Variants in CCL18 observed in about 807,000 individuals in gnomAD.
CCL18 encodes the protein C-C motif chemokine ligand 18.
A neutral mutation model predicts 8.0 loss-of-function variants in CCL18; 7 were observed. That is an observed-to-expected ratio of 0.87 (90% CI 0.50 to 1.64). CCL18 has a LOEUF of 1.64. CCL18 is among the 40% of genes most tolerant of loss of function. The pLI is 0.00. For synonymous variants in CCL18, 35 were observed against 41.3 expected (o/e 0.85, Z 0.59); for missense variants, 95 against 107.8 (o/e 0.88, Z 0.52).
rs60413314 is a variant in CCL18, at chr17:36,065,659, C to A, written c.67+1250C>A. Among the ~76,000 whole-genome samples the A allele has an allele frequency of 6.0e-3, 921 of 152,266 alleles. 8 individuals carry two copies. The highest frequency in any genetic ancestry group is 0.021 in the African/African-American group (855 of 41,536). ...ACCAGCATCCAGAACCTGAGAAAAA[C>A]CAAGTAAATTTCTTCCACTCTTGAA... On this transcript the variant is annotated intron_variant, in intron 1 of 2. Transcript: ENST00000616054.
chr17:36,066,838 C>T (rs540879548), intron 1 of CCL18, among the ~76,000 whole-genome samples: 23 of 152,276 alleles, frequency 1.5e-4, no homozygotes, highest in African/African-American at 4.6e-4. Flanking sequence ...TGAAAAGGAC[C>T]ATTACATCGT....
At position 36,071,318 on chromosome 17, in the gene CCL18, G is replaced by C. The variant is rs2066865534; in HGVS notation, c.*277G>C. 1 of 427,428 alleles carries C rather than the reference G, an allele frequency of 2.3e-6. No individual in the cohort carries two copies. The highest frequency in any genetic ancestry group is 2.0e-5 in the African/African-American group (1 of 49,496). 26.5% of individuals were successfully genotyped at this position (427,428 alleles called of 1,614,324 possible). A position where few individuals can be genotyped will look rare whatever the true frequency, so the allele number is the denominator to read the frequency against. Reference sequence around the variant, plus strand: ...CTTTCCCCTTTCCCTTCAACTCTTCGTACATTCAATGCATGGATCAATCAG... The same window carrying C: ...CTTTCCCCTTTCCCTTCAACTCTTCCTACATTCAATGCATGGATCAATCAG... On this transcript the variant is annotated 3_prime_UTR_variant, in exon 3 of 3. Transcript: ENST00000616054.
chr17:36,064,978 G>C (rs941912538), intron 1 of CCL18, among the ~76,000 whole-genome samples: 2 of 152,160 alleles, frequency 1.3e-5, no homozygotes, highest in African/African-American at 4.8e-5. Context: ...TCAACTCTGA[G>C]CTATGCTGTC....
At position 36,070,963 on chromosome 17, in the gene CCL18, G is replaced by A; in HGVS notation, c.192G>A (p.Lys64=). Residue 64 remains lysine, a synonymous_variant, in exon 3 of 3, where the codon AAG becomes AAA. Transcript: ENST00000616054. ...CPKPGVILLT[K]RGRQICADPN... is the part of the protein sequence containing the mutation. ...CCCTTCTCCACAGCCTCCTAACCAA[G>A]AGAGGCCGGCAGATCTGTGCTGACC... 6.2e-7 allele frequency: 1 copy of A among 1,613,374 alleles called. No individual in the cohort carries two copies. The highest frequency in any genetic ancestry group is 8.5e-7 in the Non-Finnish European group (1 of 1,179,276).
At chr17:36,066,390 C>T (rs2066837210) in intron 1 of CCL18, among the ~76,000 whole-genome samples, 1 of 152,080 alleles carries the variant, frequency 6.6e-6, no homozygotes, top group South Asian at 2.1e-4. Context: ...TAGGCAATGC[C>T]AAAACAGGAC....
chr17:36,065,924 C>T (rs989556490), intron 1 of CCL18, among the ~76,000 whole-genome samples: 1 of 152,158 alleles, frequency 6.6e-6, no homozygotes, highest in African/African-American at 2.4e-5. Flanking sequence ...CTTTTCCCAG[C>T]AAGAGACCAT....
At chr17:36,066,508 G>A (rs1277772409) in intron 1 of CCL18, among the ~76,000 whole-genome samples, 1 of 152,244 alleles carries the variant, frequency 6.6e-6, no homozygotes, top group African/African-American at 2.4e-5. Flanking sequence ...GACCAGAGGG[G>A]AAGATGTTAA....
intron 1 of CCL18, among the ~76,000 whole-genome samples, chr17:36,067,375 G>A (rs937746431): frequency 2.0e-5 from 3 of 152,126 alleles, no homozygotes; most frequent in Admixed American, 2.0e-4. Context: ...GCATACAGAT[G>A]TTTGGCACAA....
At chr17:36,070,288 GA>G in intron 1 of CCL18, 158 bp from the exon 2 acceptor site, 2 of 531,558 alleles carry the variant, frequency 3.8e-6, no homozygotes, top group Non-Finnish European at 3.4e-6. Flanking sequence ...TCAGGGAAAA[GA>G]AGAAATGCCA....
intron 1 of CCL18, among the ~76,000 whole-genome samples, chr17:36,066,566 C>A (rs962599220): frequency 6.6e-6 from 1 of 152,200 alleles, no homozygotes; most frequent in Non-Finnish European, 1.5e-5. Context: ...TACCTTGGGT[C>A]CCCCAGGGGT....
chr17:36,068,279 A>G (rs1379379830), intron 1 of CCL18, among the ~76,000 whole-genome samples: 1 of 152,198 alleles, frequency 6.6e-6, no homozygotes, highest in Non-Finnish European at 1.5e-5. Flanking sequence ...CAGTACTATC[A>G]TAAGCCTAGA....
intron 1 of CCL18, among the ~76,000 whole-genome samples, chr17:36,066,873 T>G (rs187299888): frequency 4.6e-5 from 7 of 152,320 alleles, no homozygotes; most frequent in Admixed American, 3.9e-4. Context: ...TTCTAAGAAA[T>G]GCTTAACTCA....
At position 36,072,006 on chromosome 17, in the gene CCL18, G is replaced by A. The variant is rs148522280; in HGVS notation, c.*965G>A. Reference sequence around the variant, plus strand: ...GCTTGGGGCTGGGTGGCCAGAGTTAGCAAATAAAAATACAGAATGGATACT... The same window carrying A: ...GCTTGGGGCTGGGTGGCCAGAGTTAACAAATAAAAATACAGAATGGATACT... On this transcript the variant is annotated 3_prime_UTR_variant, in exon 3 of 3. Coordinates refer to ENST00000616054, the MANE Select transcript of CCL18 (RefSeq NM_002988.4). The A allele has an allele frequency of 6.6e-6, 1 of 152,186 alleles. No homozygotes were observed. Among genetic ancestry groups the A allele is most frequent in the East Asian group, 1.9e-4 (1 of 5,180 alleles). The allele number at this position is 152,186 out of a possible 1,614,324, so 9.4% of individuals were successfully genotyped here. A position where few individuals can be genotyped will look rare whatever the true frequency, so the allele number is the denominator to read the frequency against.
At chr17:36,067,937 AT>A (rs959872784) in intron 1 of CCL18, among the ~76,000 whole-genome samples, 2 of 152,202 alleles carry the variant, frequency 1.3e-5, no homozygotes, top group Non-Finnish European at 2.9e-5. Flanking sequence ...ATGTTTAGAT[AT>A]GTTTAGATAT....
chr17:36,065,140 A>T (rs1380390398), intron 1 of CCL18, among the ~76,000 whole-genome samples: 1 of 152,206 alleles, frequency 6.6e-6, no homozygotes, highest in Non-Finnish European at 1.5e-5. Flanking sequence ...GCCTATTATA[A>T]AACCAGTGGT....
At chr17:36,070,833 G>A (rs1363339053) in intron 2 of CCL18, 118 bp from the exon 3 acceptor site, 2 of 828,398 alleles carry the variant, frequency 2.4e-6, no homozygotes, top group Non-Finnish European at 4.2e-6. Flanking sequence ...GAAGTTAAGG[G>A]GAAATTTTAC....
intron 1 of CCL18, among the ~76,000 whole-genome samples, chr17:36,066,029 C>T (rs1254720544): frequency 4.6e-5 from 7 of 152,188 alleles, no homozygotes; most frequent in Non-Finnish European, 5.9e-5. Context: ...CCAGAGTTTG[C>T]ATCTTGTGAA....
chr17:36,069,532 A>G (rs529551096), intron 1 of CCL18, among the ~76,000 whole-genome samples: 15 of 152,320 alleles, frequency 9.8e-5, no homozygotes, highest in Admixed American at 6.5e-4. Context: ...CTCCCATGAC[A>G]TGAGTTTACC....
chr17:36,069,242 G>A (rs972035188), intron 1 of CCL18, among the ~76,000 whole-genome samples: 4 of 152,156 alleles, frequency 2.6e-5, no homozygotes, highest in Non-Finnish European at 4.4e-5. Context: ...TTTATCTAAA[G>A]ACCTGCCCTT....
Sources: gnomAD v4.1 joint callset for allele counts (sites outside exome capture counted in the v4.1 genomes callset) on GRCh38, gnomAD v4.1.1 for gene constraint, MANE v1.5 for transcripts, NCBI Gene and HGNC (gene_info 2026-07-23, HGNC 2026-07-21) for gene names.